CENATAC: variants seen among roughly 807,000 people sequenced by gnomAD.
CENATAC encodes centrosomal AT-AC splicing factor, also known as coiled-coil domain containing 84.
Under a neutral mutation model 53.7 loss-of-function variants are expected in CENATAC, and 53 were observed. The ratio of observed to expected loss-of-function variants is 0.99; its 90% CI spans 0.79 to 1.24. The LOEUF (loss-of-function observed/expected upper bound fraction) is 1.24. Among genes scored for constraint, CENATAC ranks in the 50% most tolerant of loss-of-function variants. CENATAC has a pLI of 0.00. For missense variants in CENATAC, 474 were observed against 417.8 expected, an observed-to-expected ratio of 1.13 and a Z score of -1.17; for synonymous variants, 156 against 144.6, an observed-to-expected ratio of 1.08 and a Z score of -0.57.
chr11:119,003,620 TC>T (rs1376564651), intron 3 of CENATAC: 10 of 138,906 alleles, frequency 7.2e-5, no homozygotes, highest in South Asian at 2.8e-4. Context: ...TATTTCTCTC[TC>T]TTTTTTTTTT....
At chr11:119,002,982 T>A (rs1432046062) in intron 3 of CENATAC, 1 of 488,502 alleles carries the variant, frequency 2.0e-6, no homozygotes, top group African/African-American at 2.0e-5. Flanking sequence ...AAGATATACA[T>A]ATATTTAGAA....
intron 5 of CENATAC, 40 bp downstream of exon 5, chr11:119,011,323 C>T (rs781928792): frequency 6.3e-7 from 1 of 1,594,140 alleles, no homozygotes. Flanking sequence ...TATCCAAATC[C>T]ACTGATCCCT....
At chr11:118,998,692 C>A in intron 2 of CENATAC, 99 bp downstream of exon 2, 2 of 1,397,674 alleles carry the variant, frequency 1.4e-6, no homozygotes, top group South Asian at 1.4e-5. Flanking sequence ...GTGATTTGAT[C>A]AAGAAGGATG....
At chr11:119,002,245 AAAAG>A (rs1373639180) in intron 3 of CENATAC, among the ~76,000 whole-genome samples, 16 of 150,226 alleles carry the variant, frequency 1.1e-4, no homozygotes, top group African/African-American at 3.7e-4. Flanking sequence ...AAAAAAAAAA[AAAAG>A]AAACTGATCA....
At chr11:119,011,773 G>T (rs1193418286) in intron 5 of CENATAC, among the ~76,000 whole-genome samples, 166 bp from the exon 6 acceptor site, 1 of 141,478 alleles carries the variant, frequency 7.1e-6, no homozygotes, top group Non-Finnish European at 1.6e-5. Flanking sequence ...TGAATATGTG[G>T]ACAGGACTGG....
chr11:119,015,080 G>C lies in CENATAC; in HGVS notation c.802G>C (p.Glu268Gln). ...ACCATCCTATGAAGAATTTCTTAAA[G>C]AAAGTAAGTAAACTAATTCAAGAGA... ...IGPSYEEFLK[E>Q]KEKQKLKKLP... is the part of the protein sequence containing the mutation. The change falls in exon 9 of 11, where the codon GAA (glutamate) becomes CAA (glutamine). Residue 268 changes from glutamate to glutamine, a missense_variant. Glu to Gln is a conservative substitution (Grantham distance 29). Transcript: ENST00000334418. 1 of 1,600,762 alleles carries C rather than the reference G, an allele frequency of 6.2e-7. No individual in the cohort carries two copies. Among genetic ancestry groups the C allele is most frequent in the South Asian group, 1.1e-5 (1 of 89,092 alleles).
chr11:119,009,185 G>T (rs1942750453), intron 3 of CENATAC, among the ~76,000 whole-genome samples: 1 of 152,052 alleles, frequency 6.6e-6, no homozygotes, highest in Non-Finnish European at 1.5e-5. Flanking sequence ...CTGGAGTGCA[G>T]TGGCCCGATC....
chr11:118,999,983 G>A (rs922111642), intron 3 of CENATAC, among the ~76,000 whole-genome samples: 1 of 152,144 alleles, frequency 6.6e-6, no homozygotes, highest in Non-Finnish European at 1.5e-5. Flanking sequence ...CACCATGTTG[G>A]CCAAGTTGGT....
At chr11:119,008,711 CT>C (rs1942727701) in intron 3 of CENATAC, among the ~76,000 whole-genome samples, 1 of 152,208 alleles carries the variant, frequency 6.6e-6, no homozygotes, top group Non-Finnish European at 1.5e-5. Flanking sequence ...ACAGTCAGGT[CT>C]TTCTCATCCC....
chr11:119,001,294 A>G (rs1942281771), intron 3 of CENATAC, among the ~76,000 whole-genome samples: 1 of 152,214 alleles, frequency 6.6e-6, no homozygotes, highest in African/African-American at 2.4e-5. Context: ...AATTTTATAC[A>G]GTTATGTAAT....
intron 3 of CENATAC, among the ~76,000 whole-genome samples, chr11:119,009,034 C>A (rs1942743549): frequency 6.6e-6 from 1 of 152,206 alleles, no homozygotes; most frequent in Non-Finnish European, 1.5e-5. Context: ...AGCAAAGCAA[C>A]TGTTTAAAGT....
chr11:119,013,401 T>C, intron 8 of CENATAC, 139 bp downstream of exon 8: 2 of 611,456 alleles, frequency 3.3e-6, no homozygotes, highest in Admixed American at 6.6e-5. Context: ...GTTCAAGTGA[T>C]TCTTCTGCCT....
Position 118,998,212 on chromosome 11 carries a change from G to A in CENATAC, c.15G>A (p.Gln5=), listed in dbSNP as rs1382342861. 3 of 1,581,886 alleles carry A rather than the reference G, an allele frequency of 1.9e-6. No individual in the cohort carries two copies. Among genetic ancestry groups the A allele is most frequent in the Admixed American group, 1.8e-5 (1 of 54,826 alleles). The part of the protein sequence containing the change: MAPA[Q]RCPLCRQTFF... ...GTACCCGGGCTATGGCGCCGGCGCA[G>A]CGCTGCCCTCTGTGCCGCCAGACCT... is the stretch of plus-strand genomic sequence containing the variant. The change falls in exon 1 of 11, where the codon CAG becomes CAA. Residue 5 remains glutamine (Q), a synonymous_variant. Coordinates refer to ENST00000334418, the MANE Select transcript of CENATAC (RefSeq NM_198489.3).
chr11:119,000,625 G>A (rs1234493898), intron 3 of CENATAC, among the ~76,000 whole-genome samples: 1 of 151,864 alleles, frequency 6.6e-6, no homozygotes, highest in Non-Finnish European at 1.5e-5. Context: ...GTGTGGTGGT[G>A]GGTGCCTATA....
intron 3 of CENATAC, among the ~76,000 whole-genome samples, chr11:119,006,436 C>T (rs1452386639): frequency 6.6e-6 from 1 of 152,084 alleles, no homozygotes; most frequent in Admixed American, 6.6e-5. Context: ...CGGGGTTTCA[C>T]CTTGTTAGCC....
chr11:119,009,070 CTT>C (rs1186905688), intron 3 of CENATAC, among the ~76,000 whole-genome samples: 3 of 152,152 alleles, frequency 2.0e-5, no homozygotes, highest in South Asian at 2.1e-4. Flanking sequence ...AATGGAGTCT[CTT>C]ATGTCTTTCC....
rs375684853 is a variant in CENATAC, at chr11:119,015,597, A to G, written c.998A>G (p.Ter333=). 2.5e-6 allele frequency: 4 copies of G among 1,613,998 alleles called. No individual in the cohort carries two copies. Among genetic ancestry groups the G allele is most frequent in the Non-Finnish European group, 3.4e-6 (4 of 1,179,950 alleles). The change falls in exon 11 of 11, where the codon TAA becomes TGA. Residue 333 remains the stop codon, a stop_retained_variant. Coordinates refer to ENST00000334418, the MANE Select transcript of CENATAC (RefSeq NM_198489.3). ...AAGCAGTCACATACAGAAAAAAGCT[A>G]ATCATGCTCTCTACCAACTACCATG... ...MKKQSHTEKS[*] is the part of the protein sequence containing the mutation.
At position 118,998,195 on chromosome 11, in the gene CENATAC, GC is replaced by G; in HGVS notation, c.-2del. On this transcript the variant is annotated 5_prime_UTR_variant, in exon 1 of 11. Coordinates refer to ENST00000334418, the MANE Select transcript of CENATAC (RefSeq NM_198489.3). ...GGTGGTGGTGATACCGGGTACCCGG[GC>G]TATGGCGCCGGCGCAGCGCTGCCCT... 1 of 1,578,268 alleles carries G rather than the reference GC, an allele frequency of 6.3e-7. No homozygotes were observed. The highest frequency in any genetic ancestry group is 1.3e-5 in the African/African-American group (1 of 74,210).
In CENATAC at chr11:118,998,609, G is replaced by A. The variant is rs782080793; in HGVS notation, c.284+16G>A. 23 of 1,554,204 alleles carry A rather than the reference G, an allele frequency of 1.5e-5. No homozygotes were observed. The highest frequency in any genetic ancestry group is 1.2e-4 in the African/African-American group (9 of 73,252). On this transcript the variant is annotated intron_variant, in intron 2 of 10. Coordinates refer to ENST00000334418, the MANE Select transcript of CENATAC (RefSeq NM_198489.3). Reference sequence around the variant, plus strand: ...ATCTGGCCAGGTGAGAGCCGAGCTAGGAGCCTGCTCCAGCACAGACGCATA... The same window carrying A: ...ATCTGGCCAGGTGAGAGCCGAGCTAAGAGCCTGCTCCAGCACAGACGCATA...
Sources: gnomAD v4.1 joint callset for allele counts (sites outside exome capture counted in the v4.1 genomes callset) on GRCh38, gnomAD v4.1.1 for gene constraint, MANE v1.5 for transcripts, NCBI Gene and HGNC (gene_info 2026-07-23, HGNC 2026-07-21) for gene names.